NXN: variants seen among roughly 807,000 people sequenced by gnomAD.
NXN encodes nucleoredoxin.
In NXN, 16 loss-of-function variants were observed where a neutral mutation model predicts 48.6. The ratio of observed to expected loss-of-function variants is 0.33; its 90% CI spans 0.22 to 0.50. The LOEUF is 0.50. Ranked by LOEUF, NXN falls within the 20% of genes least tolerant of loss-of-function variation. The pLI is 0.98. For synonymous variants in NXN, 281 were observed against 269.6 expected (o/e 1.04, Z -0.41); for missense variants, 492 against 605.5 (o/e 0.81, Z 1.97).
intron 1 of NXN, among the ~76,000 whole-genome samples, chr17:833,703 G>A (rs1913625406): frequency 6.6e-6 from 1 of 152,086 alleles, no homozygotes; most frequent in African/African-American, 2.4e-5. Flanking sequence ...CTGATCACGG[G>A]AGGTCTACAG....
intron 1 of NXN, among the ~76,000 whole-genome samples, chr17:951,747 G>A (rs1006728271): frequency 3.9e-5 from 6 of 152,246 alleles, no homozygotes; most frequent in Non-Finnish European, 5.9e-5. Context: ...CTCCCAGCAG[G>A]GCCAGCCCCA....
At chr17:976,195 T>C (rs1431994345) in intron 1 of NXN, among the ~76,000 whole-genome samples, 1 of 152,014 alleles carries the variant, frequency 6.6e-6, no homozygotes, top group Non-Finnish European at 1.5e-5. Flanking sequence ...TGTCCTTTTT[T>C]TTTTTGGTGT....
At chr17:811,514 G>GC (rs1555609076) in intron 5 of NXN, among the ~76,000 whole-genome samples, 101 of 152,200 alleles carry the variant, frequency 6.6e-4, no homozygotes, top group African/African-American at 2.3e-3. Flanking sequence ...GGGGTTGGGG[G>GC]GGGGGCAGCA....
chr17:835,112 T>C (rs1326824612), intron 1 of NXN, among the ~76,000 whole-genome samples: 7 of 150,418 alleles, frequency 4.7e-5, no homozygotes, highest in East Asian at 2.1e-4. Flanking sequence ...ATCGAGACCA[T>C]CCTGGCTAAC....
chr17:884,617 C>A (rs2068322946), intron 1 of NXN, among the ~76,000 whole-genome samples: 1 of 152,040 alleles, frequency 6.6e-6, no homozygotes, highest in Admixed American at 6.5e-5. Flanking sequence ...TGGGACGGAT[C>A]CTCCTCCTCC....
rs1162253023 is a variant in NXN, at chr17:825,211, T to C, written c.478+750A>G. ...CGGCCTGGGCGACAGAGGGAGATAG[T>C]GTCTCAAGAGAAAAAAAAAAAAAAA... On this transcript the variant is annotated intron_variant, in intron 2 of 7. Coordinates refer to ENST00000336868, the MANE Select transcript of NXN (RefSeq NM_022463.5). The surrounding 1 kb of genome is among the most constrained non-coding windows in gnomAD (Gnocchi z 4.1). 5.7e-5 allele frequency among the ~76,000 whole-genome samples: 2 copies of C among 34,922 alleles called. No homozygotes were observed. The highest frequency in any genetic ancestry group is 3.2e-4 in the African/African-American group (1 of 3,158). The allele number at this position is 34,922 out of a possible 152,430, so 22.9% of individuals were successfully genotyped here.
At chr17:969,711 C>T (rs902222440) in intron 1 of NXN, among the ~76,000 whole-genome samples, 2 of 152,124 alleles carry the variant, frequency 1.3e-5, no homozygotes, top group African/African-American at 4.8e-5. Flanking sequence ...GCAGCGCCTT[C>T]TGATTTTAAA....
chr17:890,354 T>C (rs1055086980), intron 1 of NXN, among the ~76,000 whole-genome samples: 2 of 152,068 alleles, frequency 1.3e-5, no homozygotes, highest in African/African-American at 4.8e-5. Context: ...AGCCCAAAGA[T>C]GCACCCACAA....
chr17:855,987 G>C (rs1277021317), intron 1 of NXN, among the ~76,000 whole-genome samples: 1 of 152,158 alleles, frequency 6.6e-6, no homozygotes. Flanking sequence ...GAGGTCAGGA[G>C]ATCAAGACCA....
chr17:802,138 T>C (rs763793289), intron 7 of NXN, among the ~76,000 whole-genome samples: 12 of 152,118 alleles, frequency 7.9e-5, no homozygotes, highest in Non-Finnish European at 1.6e-4. Context: ...TTTTTTTTTT[T>C]GGAGATAGAG....
chr17:835,486 G>GT (rs1452451743), intron 1 of NXN, among the ~76,000 whole-genome samples: 20 of 152,174 alleles, frequency 1.3e-4, no homozygotes, highest in African/African-American at 4.6e-4. Context: ...GGGTTATCCA[G>GT]TTACTTGAAA....
At chr17:943,760 G>C (rs1210760457) in intron 1 of NXN, among the ~76,000 whole-genome samples, 1 of 151,972 alleles carries the variant, frequency 6.6e-6, no homozygotes, top group Non-Finnish European at 1.5e-5. Context: ...AGGAGGCGGA[G>C]GTTGCAGGGA....
chr17:936,101 A>AAAAC (rs1719073403), intron 1 of NXN, among the ~76,000 whole-genome samples: 1 of 151,536 alleles, frequency 6.6e-6, no homozygotes, highest in African/African-American at 2.4e-5. Flanking sequence ...CAAAAAAAAA[A>AAAAC]AAAAAAAAAA....
rs1914207397 is a variant in NXN at position 841,424 on chromosome 17, TCTCACAC to T, written c.361-15353_361-15347del. ...GCAGGTCCCCCCTGACCACGGCGCATCTCACACGGGCGAGCAGGTCCCCCTGACCACG... is the reference window on the plus strand; with the variant it reads ...GCAGGTCCCCCCTGACCACGGCGCATGGGCGAGCAGGTCCCCCTGACCACG... On this transcript the variant is annotated intron_variant, in intron 1 of 7. Coordinates refer to ENST00000336868, the MANE Select transcript of NXN (RefSeq NM_022463.5). Among the ~76,000 whole-genome samples, 110 of 123,374 alleles carry T rather than the reference TCTCACAC, an allele frequency of 8.9e-4. 2 individuals are homozygous for T. Among genetic ancestry groups the T allele is most frequent in the Non-Finnish European group, 1.8e-3 (92 of 51,924 alleles). The allele number at this position is 123,374 out of a possible 152,430, so 80.9% of individuals were successfully genotyped here.
At chr17:957,131 A>T (rs755860174) in intron 1 of NXN, among the ~76,000 whole-genome samples, 23 of 123,544 alleles carry the variant, frequency 1.9e-4, no homozygotes, top group Non-Finnish European at 3.9e-4. Context: ...GGCGGAGCTG[A>T]GACAAGGCAA....
chr17:884,524 C>T (rs1033961996), intron 1 of NXN, among the ~76,000 whole-genome samples: 3 of 152,140 alleles, frequency 2.0e-5, no homozygotes, highest in African/African-American at 7.2e-5. Context: ...GAAGTGTGTC[C>T]GGCACTGTCC....
chr17:823,795 G>A (rs1435784656), intron 2 of NXN, 30 bp from the exon 3 acceptor site: 1 of 1,613,098 alleles, frequency 6.2e-7, no homozygotes, highest in Middle Eastern at 1.7e-4. Context: ...GTAAAAGAGG[G>A]CTTAGACCCT....
chr17:812,879 C>T (rs182592238), intron 5 of NXN, among the ~76,000 whole-genome samples: 180 of 131,388 alleles, frequency 1.4e-3, no homozygotes, highest in African/African-American at 4.1e-3. Context: ...TGGGTGTGTG[C>T]GCACATGTGA....
chr17:802,654 C>T (rs980446638), intron 7 of NXN, among the ~76,000 whole-genome samples: 4 of 152,084 alleles, frequency 2.6e-5, no homozygotes, highest in Admixed American at 2.0e-4. Flanking sequence ...GTGCAGTGGC[C>T]AGTGCCACCC....
Sources: gnomAD v4.1 joint callset for allele counts (sites outside exome capture counted in the v4.1 genomes callset) on GRCh38, gnomAD v4.1.1 for gene constraint, Gnocchi (gnomAD v3.1) non-coding constraint, MANE v1.5 for transcripts, NCBI Gene and HGNC (gene_info 2026-07-23, HGNC 2026-07-21) for gene names.